Variants in UBE4B observed in about 807,000 individuals in gnomAD.
UBE4B encodes ubiquitin conjugation factor E4 B.
A neutral mutation model predicts 148.1 loss-of-function variants in UBE4B; 27 were observed. The observed-to-expected ratio is 0.18, with a 90% CI of 0.13 to 0.25. UBE4B has a LOEUF of 0.25. UBE4B is among the 10% of genes least tolerant of loss of function. The pLI, the probability that UBE4B is intolerant of heterozygous loss-of-function variation, is 1.00. For missense variants in UBE4B, 1,170 were observed against 1,662.4 expected, an observed-to-expected ratio of 0.70 and a Z score of 5.15; for synonymous variants, 596 against 619.3, an observed-to-expected ratio of 0.96 and a Z score of 0.56.
intron 17 of UBE4B, among the ~76,000 whole-genome samples, chr1:10,141,623 G>A (rs938981908): frequency 2.0e-5 from 3 of 152,038 alleles, no homozygotes; most frequent in African/African-American, 7.2e-5. Flanking sequence ...TCAAATATGT[G>A]CTTCTGTTGC....
chr1:10,129,495 TAA>T, intron 12 of UBE4B, 47 bp downstream of exon 12: 1 of 1,576,914 alleles, frequency 6.3e-7, no homozygotes, highest in Non-Finnish European at 8.7e-7. Flanking sequence ...GAATATATCA[TAA>T]CCCAGAAGGC....
At chr1:10,162,582 A>G (rs1317341083) in intron 23 of UBE4B, among the ~76,000 whole-genome samples, 2 of 150,336 alleles carry the variant, frequency 1.3e-5, no homozygotes, top group Non-Finnish European at 2.9e-5. Flanking sequence ...TGCTGGGACT[A>G]CAGGCGTGAG....
chr1:10,151,514 C>T lies in UBE4B; in HGVS notation c.2879C>T (p.Pro960Leu). The T allele has an allele frequency of 6.2e-7, 1 of 1,614,106 alleles. No individual in the cohort carries two copies. Among genetic ancestry groups the T allele is most frequent in the Non-Finnish European group, 8.5e-7 (1 of 1,180,018 alleles). Residue 960 changes from proline to leucine, a missense_variant, in exon 21 of 28, where the codon CCT (proline) becomes CTT (leucine). Around this residue, in one of 6 missense-constraint regions of UBE4B, gnomAD observed 348 missense variants for 627.2 expected, o/e 0.55. Transcript: ENST00000343090. ...QKFFEMIENH[P>L]LSTKLLVPSL... is the part of the protein sequence containing the mutation. The stretch of plus-strand genomic sequence containing the variant: ...TTTTTTGAAATGATTGAGAACCATC[C>T]TCTCTCCACCAAGTTGTTGGTACCT...
chr1:10,083,012 T>C (rs1004167304), intron 2 of UBE4B, among the ~76,000 whole-genome samples: 1 of 152,200 alleles, frequency 6.6e-6, no homozygotes, highest in African/African-American at 2.4e-5. Context: ...GGCTGCATAG[T>C]ATTGCATGGT....
chr1:10,071,683 T>C (rs183801362), intron 1 of UBE4B, among the ~76,000 whole-genome samples: 80 of 152,162 alleles, frequency 5.3e-4, no homozygotes, highest in Non-Finnish European at 9.3e-4. Flanking sequence ...TATATACGTA[T>C]TTATGTATGT....
At chr1:10,124,868 G>A (rs1163706023) in intron 10 of UBE4B, among the ~76,000 whole-genome samples, 1 of 152,176 alleles carries the variant, frequency 6.6e-6, no homozygotes, top group Non-Finnish European at 1.5e-5. Flanking sequence ...GCTCACGCCT[G>A]TAATCCTAGC....
Position 10,130,488 on chromosome 1 carries a change from T to C in UBE4B, c.1696-12T>C. On this transcript the variant is annotated splice_polypyrimidine_tract_variant and intron_variant, in intron 12 of 27. Transcript: ENST00000343090. ...TTCAGCGGCTTGACTGGCTCTTCCA[T>C]CTTCTGCCTAGGTTGCTTCTTTGCG... 2 of 1,613,266 alleles carry C rather than the reference T, an allele frequency of 1.2e-6. No individual in the cohort carries two copies. The highest frequency in any genetic ancestry group is 1.7e-6 in the Non-Finnish European group (2 of 1,179,572).
intron 2 of UBE4B, among the ~76,000 whole-genome samples, chr1:10,089,813 C>T (rs1174990233): frequency 6.6e-6 from 1 of 151,836 alleles, no homozygotes; most frequent in Non-Finnish European, 1.5e-5. Flanking sequence ...AATTCTCCTG[C>T]CTCAGCCTCC....
At position 10,178,831 on chromosome 1, in the gene UBE4B, G is replaced by A. The variant is rs1408239782; in HGVS notation, c.3700+13G>A. ...GATGAGTTCAGAGGCAAGTGGACTC[G>A]TCGTTTTCATGCTGATTTCTTTTGA... On this transcript the variant is annotated intron_variant, in intron 26 of 27. Coordinates refer to ENST00000343090, the MANE Select transcript of UBE4B (RefSeq NM_001105562.3). 8.3e-6 allele frequency: 13 copies of A among 1,569,992 alleles called. 1 individual carries two copies. The highest frequency in any genetic ancestry group is 1.2e-5 in the South Asian group (1 of 85,014).
chr1:10,139,231 A>C (rs933554074), intron 17 of UBE4B, among the ~76,000 whole-genome samples: 10 of 152,092 alleles, frequency 6.6e-5, no homozygotes, highest in Non-Finnish European at 2.9e-5. Flanking sequence ...ACCCGTCTCT[A>C]CTACAAAAAT....
intron 26 of UBE4B, 91 bp from the exon 27 acceptor site, chr1:10,179,325 G>C (rs1305065481): frequency 1.3e-6 from 2 of 1,527,642 alleles, no homozygotes; most frequent in Non-Finnish European, 1.8e-6. Flanking sequence ...TGTTCCTTTG[G>C]ATAGATTTTT....
At chr1:10,123,427 CAAAAAAAAAAAA>C (rs34527607) in intron 10 of UBE4B, among the ~76,000 whole-genome samples, 2,536 of 35,670 alleles carry the variant, frequency 0.071, 47 homozygotes, top group Non-Finnish European at 0.11. Context: ...AAGACTGTCT[CAAAAAAAAAAAA>C]AAAAAAAAAA....
intron 1 of UBE4B, among the ~76,000 whole-genome samples, chr1:10,041,610 C>G (rs1224889900): frequency 6.6e-6 from 1 of 152,000 alleles, no homozygotes; most frequent in Non-Finnish European, 1.5e-5. Flanking sequence ...GCTGGGATTA[C>G]AAGCGTGAAC....
chr1:10,083,044 T>TAAA (rs995262352), intron 2 of UBE4B, among the ~76,000 whole-genome samples: 1 of 152,186 alleles, frequency 6.6e-6, no homozygotes, highest in African/African-American at 2.4e-5. Flanking sequence ...ACACTTTTTT[T>TAAA]AATCTATCAT....
At chr1:10,108,206 GC>G (rs898990540) in intron 7 of UBE4B, among the ~76,000 whole-genome samples, 3 of 44,742 alleles carry the variant, frequency 6.7e-5, no homozygotes, top group African/African-American at 1.8e-4. Context: ...AGCCTCCACC[GC>G]CCCCCTGTTC....
chr1:10,141,339 G>A (rs1030684271), intron 17 of UBE4B, among the ~76,000 whole-genome samples: 2 of 152,224 alleles, frequency 1.3e-5, no homozygotes, highest in East Asian at 3.9e-4. Context: ...GAATCAGGAG[G>A]GTCACAGGGA....
intron 1 of UBE4B, among the ~76,000 whole-genome samples, chr1:10,042,646 C>T (rs1643816661): frequency 6.6e-6 from 1 of 152,088 alleles, no homozygotes; most frequent in South Asian, 2.1e-4. Flanking sequence ...GACTGTGTCT[C>T]AAAAGCAAAG....
Position 10,033,552 on chromosome 1 carries a change from C to T in UBE4B, c.-119C>T, listed in dbSNP as rs868623899. On this transcript the variant is annotated 5_prime_UTR_variant, in exon 1 of 28. Transcript: ENST00000343090. The stretch of plus-strand genomic sequence containing the variant: ...AACCTCTGACTATGCAATTCTGAAA[C>T]CTCCCCCATTCGGGGGACCAGACAG... The T allele has an allele frequency of 3.4e-5, 42 of 1,219,726 alleles. No individual in the cohort carries two copies. The Middle Eastern group carries it at 1.2e-3, about 34-fold the overall frequency. 75.6% of individuals were successfully genotyped at this position (1,219,726 alleles called of 1,614,324 possible).
At position 10,102,951 on chromosome 1, in the gene UBE4B, C is replaced by A. The variant is rs762775537; in HGVS notation, c.439C>A (p.Pro147Thr). 2 of 1,603,210 alleles carry A rather than the reference C, an allele frequency of 1.2e-6. No individual in the cohort carries two copies. Among genetic ancestry groups the A allele is most frequent in the Non-Finnish European group, 1.7e-6 (2 of 1,172,808 alleles). Residue 147 changes from proline (P) to threonine (T), a missense_variant, in exon 5 of 28, where the codon CCT becomes ACT. Pro to Thr is a conservative substitution (Grantham distance 38). Coordinates refer to ENST00000343090, the MANE Select transcript of UBE4B (RefSeq NM_001105562.3). ...REKRSLSDKE[P>T]SSGPEVSEEQ... is the part of the protein sequence containing the mutation. ...TGCAAATCTTCTTCTTCACCAGGAG[C>A]CTTCCTCGGGCCCTGAAGTGTCTGA...
Sources: gnomAD v4.1 joint callset for allele counts (sites outside exome capture counted in the v4.1 genomes callset) on GRCh38, gnomAD v4.1.1 for gene constraint, gnomAD v4.1.1 regional missense constraint, MANE v1.5 for transcripts, NCBI Gene and HGNC (gene_info 2026-07-23, HGNC 2026-07-21) for gene names.